KNG1: variants seen among roughly 807,000 people sequenced by gnomAD.
KNG1 encodes the protein kininogen 1, also known as kininogen-1.
A neutral mutation model predicts 47.8 loss-of-function variants in KNG1; 23 were observed. That is an observed-to-expected ratio of 0.48 (90% confidence interval 0.35 to 0.68). The LOEUF is 0.68. KNG1 is among the 30% of genes least tolerant of loss of function. KNG1 has a pLI of 0.01. For missense variants in KNG1, 762 were observed against 790.2 expected (o/e 0.96, Z 0.43); for synonymous variants, 277 against 277.0 (o/e 1.00, Z 0.00).
chr3:186,742,002 GCA>G lies in KNG1; in HGVS notation c.1609_1610del (p.Gln537AspfsTer25), dbSNP rs758429575. On this transcript the variant is annotated frameshift_variant, in exon 10 of 10. Transcript: ENST00000644859. LOFTEE classifies it low-confidence loss of function (END_TRUNC). ...TTCTGAAGACAGTACTACACCTTCT[GCA>G]CAGACACAAGAGAAGACAGAAGGGC... ...SSSEDSTTPS[A>X]QTQEKTEGPT... 1.2e-5 allele frequency: 20 copies of G among 1,614,088 alleles called. No individual in the cohort carries two copies. The African/African-American group carries it at 2.5e-4, about 20-fold the overall frequency.
intron 4 of KNG1, 46 bp from the exon 5 acceptor site, chr3:186,727,188 GAAT>G: frequency 8.1e-7 from 1 of 1,239,518 alleles, no homozygotes; most frequent in Non-Finnish European, 1.2e-6. Context: ...ATCCCACAGC[GAAT>G]AATGTTTAAA....
intron 9 of KNG1, among the ~76,000 whole-genome samples, chr3:186,740,469 T>A (rs1720781216): frequency 6.6e-6 from 1 of 152,258 alleles, no homozygotes; most frequent in Admixed American, 6.5e-5. Flanking sequence ...TCCATCACGA[T>A]GCTGATTACC....
intron 2 of KNG1, among the ~76,000 whole-genome samples, chr3:186,720,805 T>TTTTTTTG (rs1553790786): frequency 3.4e-4 from 48 of 140,074 alleles, no homozygotes; most frequent in African/African-American, 6.0e-4. Flanking sequence ...TTTTTTTTTT[T>TTTTTTTG]TTGAGCCAGA....
chr3:186,737,680 C>T (rs1720702680), intron 7 of KNG1, among the ~76,000 whole-genome samples: 1 of 151,584 alleles, frequency 6.6e-6, no homozygotes, highest in African/African-American at 2.4e-5. Flanking sequence ...CCTCAGCCTC[C>T]CAAGTAGCCG....
At position 186,731,581 on chromosome 3, in the gene KNG1, A is replaced by G. The variant is rs771738861; in HGVS notation, c.709A>G (p.Ile237Val). 2 of 1,612,394 alleles carry G rather than the reference A, an allele frequency of 1.2e-6. No individual in the cohort carries two copies. The highest frequency in any genetic ancestry group is 1.7e-5 in the Admixed American group (1 of 60,024). ...ATGTACAGATAATGCATACATCGAT[A>G]TTCAGCTACGAATTGCTTCCTTCTC... ...GECTDNAYID[I>V]QLRIASFSQN... The change falls in exon 6 of 10, where the codon ATT becomes GTT. Residue 237 changes from isoleucine (I) to valine (V), a missense_variant. Transcript: ENST00000644859.
intron 1 of KNG1, chr3:186,718,050 C>G (rs1432098057): frequency 6.5e-6 from 2 of 307,944 alleles, no homozygotes; most frequent in Admixed American, 5.4e-5. Flanking sequence ...CCATCACCCA[C>G]CACCATCACC....
chr3:186,729,468 T>C (rs1475450324), intron 5 of KNG1, among the ~76,000 whole-genome samples: 1 of 152,214 alleles, frequency 6.6e-6, no homozygotes, highest in Non-Finnish European at 1.5e-5. Flanking sequence ...TGTGCTATTA[T>C]ATATACACAA....
chr3:186,717,441 C>A lies in KNG1; in HGVS notation c.-102C>A. Reference sequence around the variant, plus strand: ...CTGAGTTCTGAGGCAGAGAGGAGGACAGAAGAAACAAGAGGCTGGAGATTG... The same window carrying A: ...CTGAGTTCTGAGGCAGAGAGGAGGAAAGAAGAAACAAGAGGCTGGAGATTG... On this transcript the variant is annotated 5_prime_UTR_variant, in exon 1 of 10. Coordinates refer to ENST00000644859, the MANE Select transcript of KNG1 (RefSeq NM_001102416.3). The A allele has an allele frequency of 2.2e-6, 2 of 902,618 alleles. No homozygotes were observed. The highest frequency in any genetic ancestry group is 3.7e-6 in the Non-Finnish European group (2 of 543,046). The allele number at this position is 902,618 out of a possible 1,614,324, so 55.9% of individuals were successfully genotyped here.
chr3:186,720,069 T>C, intron 1 of KNG1, 36 bp from the exon 2 acceptor site: 1 of 1,400,706 alleles, frequency 7.1e-7, no homozygotes, highest in Non-Finnish European at 1.0e-6. Context: ...GTTGGGTCAG[T>C]TGGATGAACC....
intron 9 of KNG1, among the ~76,000 whole-genome samples, chr3:186,741,301 G>A (rs893920637): frequency 2.0e-5 from 3 of 151,756 alleles, no homozygotes; most frequent in African/African-American, 7.3e-5. Context: ...GCTATTTTAT[G>A]GTATTATTAA....
At chr3:186,719,282 A>G (rs1390041062) in intron 1 of KNG1, among the ~76,000 whole-genome samples, 2 of 152,214 alleles carry the variant, frequency 1.3e-5, no homozygotes, top group Non-Finnish European at 2.9e-5. Flanking sequence ...CTGTTTAAAA[A>G]AGAAAAAGTA....
rs1240806818 is a variant in KNG1, at chr3:186,742,202, A to C, written c.1806A>C (p.Pro602=). The change falls in exon 10 of 10, where the codon CCA becomes CCC. Residue 602 remains proline, a synonymous_variant. Coordinates refer to ENST00000644859, the MANE Select transcript of KNG1 (RefSeq NM_001102416.3). Reference sequence around the variant, plus strand: ...ACCCAAATGGCCTTTCATTTAACCCAATATCAGATTTTCCAGACACGACCT... The same window carrying C: ...ACCCAAATGGCCTTTCATTTAACCCCATATCAGATTTTCCAGACACGACCT... The part of the protein sequence containing the change: ...QIDPNGLSFN[P]ISDFPDTTSP... The C allele has an allele frequency of 6.2e-7, 1 of 1,613,994 alleles. No homozygotes were observed. Among genetic ancestry groups the C allele is most frequent in the African/African-American group, 1.3e-5 (1 of 74,882 alleles).
chr3:186,739,699 G>C (rs1385677176), intron 9 of KNG1, among the ~76,000 whole-genome samples: 2 of 152,212 alleles, frequency 1.3e-5, no homozygotes, highest in East Asian at 3.8e-4. Flanking sequence ...GGCTATGCCA[G>C]GTGTACCTGA....
chr3:186,719,855 A>T (rs1322288004), intron 1 of KNG1, among the ~76,000 whole-genome samples: 2 of 152,190 alleles, frequency 1.3e-5, no homozygotes. Flanking sequence ...ACATAGATTT[A>T]TATATAAACC....
At chr3:186,738,225 G>A (rs1362026065) in intron 7 of KNG1, 1 of 152,036 alleles carries the variant, frequency 6.6e-6, no homozygotes, top group Admixed American at 6.6e-5. Context: ...TGATCCACCC[G>A]CCTCAGCCTC....
At chr3:186,725,282 G>A (rs2108623488) in intron 4 of KNG1, 22 bp downstream of exon 4, 1 of 1,606,800 alleles carries the variant, frequency 6.2e-7, no homozygotes, top group Non-Finnish European at 8.5e-7. Context: ...AATTCTCTAA[G>A]TAGCACAGTA....
At chr3:186,719,592 G>A (rs1343482514) in intron 1 of KNG1, among the ~76,000 whole-genome samples, 2 of 152,186 alleles carry the variant, frequency 1.3e-5, no homozygotes, top group East Asian at 1.9e-4. Context: ...AGCCAGGCGT[G>A]GTGGAGGGCG....
chr3:186,723,814 C>T lies in KNG1; in HGVS notation c.392-1274C>T, dbSNP rs979440407. 6.6e-5 allele frequency among the ~76,000 whole-genome samples: 10 copies of T among 151,994 alleles called. No individual in the cohort carries two copies. The East Asian group carries it at 1.4e-3, about 21-fold the overall frequency. On this transcript the variant is annotated intron_variant, in intron 3 of 9. Transcript: ENST00000644859. The stretch of plus-strand genomic sequence containing the variant: ...GGATTATGGGCATCGCCACCACGCC[C>T]GGATAATTTTTGTGTTTTTAGTAGA...
At chr3:186,734,532 G>C (rs754285315) in intron 7 of KNG1, 3 of 152,028 alleles carry the variant, frequency 2.0e-5, no homozygotes, top group Non-Finnish European at 4.4e-5. Flanking sequence ...AGGCCGAAGT[G>C]GGTGGATTGC....
Sources: allele counts gnomAD v4.1 joint callset (sites outside exome capture counted in the v4.1 genomes callset), GRCh38; gene constraint gnomAD v4.1.1; transcripts MANE v1.5; gene names NCBI Gene and HGNC (gene_info 2026-07-23, HGNC 2026-07-21).